Variants in CHD7 observed in about 807,000 individuals in gnomAD.
CHD7 encodes the protein chromodomain helicase DNA binding protein 7.
A neutral mutation model predicts 307.3 loss-of-function variants in CHD7; 24 were observed. That is an observed-to-expected ratio of 0.08 (90% CI 0.06 to 0.11). The LOEUF is 0.11. Among genes scored for constraint, CHD7 ranks in the 10% least tolerant of loss-of-function variants. The pLI is 1.00. For missense variants in CHD7, 3,106 were observed against 3,727.1 expected (o/e 0.83, Z 4.34); for synonymous variants, 1,363 against 1,349.9 (o/e 1.01, Z -0.21).
At position 60,852,180 on chromosome 8, in the gene CHD7, C is replaced by T. The variant is rs764160601; in HGVS notation, c.5827C>T (p.Arg1943Trp). Residue 1943 changes from arginine to tryptophan, a missense_variant, in exon 29 of 38, where the codon CGG becomes TGG. Coordinates refer to ENST00000423902, the MANE Select transcript of CHD7 (RefSeq NM_017780.4). ...ALMKTDRRRRRPREEVRALEA... is the reference protein window; with the variant it reads ...ALMKTDRRRRWPREEVRALEA... ...AATGAAGACTGACCGGCGCAGACGG[C>T]GGCCTCGAGAGGAAGTGAGAGCTCT... 1.1e-5 allele frequency: 17 copies of T among 1,613,724 alleles called. No individual in the cohort carries two copies. The highest frequency in any genetic ancestry group is 4.4e-5 in the South Asian group (4 of 91,080).
At chr8:60,764,180 G>A (rs1000126359) in intron 2 of CHD7, among the ~76,000 whole-genome samples, 20 of 151,896 alleles carry the variant, frequency 1.3e-4, no homozygotes, top group Non-Finnish European at 2.2e-4. Context: ...TAGTAGAGAC[G>A]GGGTTTCACC....
chr8:60,854,096 TTGTAAGG>T (rs1002539620), intron 31 of CHD7, among the ~76,000 whole-genome samples: 20 of 152,194 alleles, frequency 1.3e-4, no homozygotes, highest in African/African-American at 4.6e-4. Flanking sequence ...TATCAGCCTC[TTGTAAGG>T]TTTACTTGCA....
In CHD7 at chr8:60,853,028, G is replaced by T; in HGVS notation, c.6303G>T (p.Leu2101=). The T allele has an allele frequency of 6.2e-7, 1 of 1,613,980 alleles. No homozygotes were observed. Among genetic ancestry groups the T allele is most frequent in the East Asian group, 2.2e-5 (1 of 44,872 alleles). The change falls in exon 31 of 38, where the codon CTG becomes CTT. Residue 2101 remains leucine (L), a synonymous_variant. Coordinates refer to ENST00000423902, the MANE Select transcript of CHD7 (RefSeq NM_017780.4). ...GTGGACGGCATGACCGAGACTTGCT[G>T]GTTGGTGCTGCTAAACACGGGGTCA... ...WECGRHDRDL[L]VGAAKHGVSR... is the part of the protein sequence containing the mutation.
intron 1 of CHD7, among the ~76,000 whole-genome samples, chr8:60,714,859 A>T (rs1055312501): frequency 1.3e-5 from 2 of 152,200 alleles, no homozygotes; most frequent in African/African-American, 4.8e-5. Flanking sequence ...AGGGGATGGT[A>T]ATGCCTGTTG....
In CHD7 at chr8:60,800,392, G is replaced by C; in HGVS notation, c.2243G>C (p.Arg748Thr). 2 of 1,613,250 alleles carry C rather than the reference G, an allele frequency of 1.2e-6. No homozygotes were observed. The highest frequency in any genetic ancestry group is 1.7e-6 in the Non-Finnish European group (2 of 1,179,554). ...EEDEDPGVQK[R>T]RSSRQVKRKR... ...TGTCTTGGGTTTTTGTTTTAGAAGA[G>C]ACGGTCCAGCAGACAGGTGAAGAGA... is the stretch of plus-strand genomic sequence containing the variant. Residue 748 changes from arginine (R) to threonine (T), a missense_variant, in exon 5 of 38, where the codon AGA becomes ACA. This residue lies in a region of CHD7 where 998 missense variants were observed against 1,004.5 expected (regional missense o/e 0.99). Transcript: ENST00000423902.
intron 1 of CHD7, among the ~76,000 whole-genome samples, chr8:60,692,969 C>T (rs1045691957): frequency 3.1e-4 from 47 of 152,246 alleles, no homozygotes; most frequent in Middle Eastern, 6.8e-3. Context: ...CTGTTTAAAC[C>T]GAAGTCATCA....
At chr8:60,819,078 C>T (rs1451129075) in intron 8 of CHD7, among the ~76,000 whole-genome samples, 1 of 152,092 alleles carries the variant, frequency 6.6e-6, no homozygotes, top group Non-Finnish European at 1.5e-5. Context: ...CTCAGCCTAC[C>T]GAGTAGCTGA....
intron 3 of CHD7, among the ~76,000 whole-genome samples, chr8:60,785,318 G>A (rs1410021042): frequency 1.3e-5 from 2 of 152,162 alleles, no homozygotes; most frequent in Admixed American, 1.3e-4. Flanking sequence ...TTCTAGGAAT[G>A]CCTTTCATTC....
In CHD7 at chr8:60,741,957, G is replaced by A. The variant is rs764096367; in HGVS notation, c.525G>A (p.Ser175=). 17 of 1,613,458 alleles carry A rather than the reference G, an allele frequency of 1.1e-5. No homozygotes were observed. The highest frequency in any genetic ancestry group is 8.9e-5 in the East Asian group (4 of 44,882). ...CGCAGCCACCGCAGCCGGCTCCGTC[G>A]GGGCCCCCTGCACAGGGCCACCCTC... The part of the protein sequence containing the change: ...PQPQPPQPAP[S]GPPAQGHPQH... The change falls in exon 2 of 38, where the codon TCG becomes TCA. Residue 175 remains serine (S), a synonymous_variant. Transcript: ENST00000423902.
chr8:60,760,799 A>G (rs1463866065), intron 2 of CHD7, among the ~76,000 whole-genome samples: 1 of 151,924 alleles, frequency 6.6e-6, no homozygotes, highest in Non-Finnish European at 1.5e-5. Context: ...ATGAGATACC[A>G]TCTCACACCA....
At chr8:60,821,599 C>T (rs1330490089) in intron 9 of CHD7, among the ~76,000 whole-genome samples, 191 bp from the exon 10 acceptor site, 1 of 149,736 alleles carries the variant, frequency 6.7e-6, no homozygotes, top group Non-Finnish European at 1.5e-5. Context: ...TATATACACA[C>T]ATACATATGT....
intron 4 of CHD7, 109 bp from the exon 5 acceptor site, chr8:60,800,279 G>C: frequency 9.7e-7 from 1 of 1,034,652 alleles, no homozygotes; most frequent in Non-Finnish European, 1.4e-6. Flanking sequence ...TGATCCGCCC[G>C]CCTCGGCCTC....
intron 1 of CHD7, among the ~76,000 whole-genome samples, chr8:60,721,199 C>T (rs1380957437): frequency 2.0e-5 from 3 of 152,110 alleles, no homozygotes; most frequent in African/African-American, 7.2e-5. Flanking sequence ...GGAGATAGGG[C>T]CTTTAGGGAG....
intron 15 of CHD7, among the ~76,000 whole-genome samples, chr8:60,832,292 TG>T (rs1387857679): frequency 6.6e-6 from 1 of 152,204 alleles, no homozygotes; most frequent in African/African-American, 2.4e-5. Context: ...CCCAAAGTGC[TG>T]GGATTACAGG....
At chr8:60,773,881 G>T (rs569738204) in intron 2 of CHD7, among the ~76,000 whole-genome samples, 53 of 152,284 alleles carry the variant, frequency 3.5e-4, no homozygotes, top group Middle Eastern at 6.8e-3. Flanking sequence ...TGGGTAAAAG[G>T]TTAGTGATTC....
chr8:60,759,381 A>C (rs1160038845), intron 2 of CHD7, among the ~76,000 whole-genome samples: 15 of 139,330 alleles, frequency 1.1e-4, no homozygotes, highest in African/African-American at 1.9e-4. Context: ...CTCCCTCTCC[A>C]TCTCCCTCTC....
At chr8:60,819,449 T>C (rs899539407) in intron 8 of CHD7, among the ~76,000 whole-genome samples, 2 of 152,234 alleles carry the variant, frequency 1.3e-5, no homozygotes, top group East Asian at 3.8e-4. Flanking sequence ...AGATTAATGA[T>C]GAGACTGTGA....
rs143175549 is a variant in CHD7, at chr8:60,712,422, A to G, written c.-174-28837A>G. Among the ~76,000 whole-genome samples, 38 of 152,306 alleles carry G rather than the reference A, an allele frequency of 2.5e-4. No homozygotes were observed. In the East Asian group the frequency reaches 6.0e-3, roughly 24 times the overall value. ...GGACTCTGAGATGCTTCAGATACCCAAACAGCAGAACCTTTCTAACATGTA... is the reference window on the plus strand; with the variant it reads ...GGACTCTGAGATGCTTCAGATACCCGAACAGCAGAACCTTTCTAACATGTA... On this transcript the variant is annotated intron_variant, in intron 1 of 37. Transcript: ENST00000423902.
Position 60,742,334 on chromosome 8 carries a change from C to T in CHD7, c.902C>T (p.Ser301Phe), listed in dbSNP as rs1809081710. 1 of 1,613,864 alleles carries T rather than the reference C, an allele frequency of 6.2e-7. No individual in the cohort carries two copies. Among genetic ancestry groups the T allele is most frequent in the Admixed American group, 1.7e-5 (1 of 60,002 alleles). ...NFSSRSQTVP[S>F]PTINNSGQYS... ...AGTTCTCGGAGCCAGACAGTCCCCT[C>T]TCCTACTATAAACAACTCAGGGCAG... Residue 301 changes from serine to phenylalanine, a missense_variant, in exon 2 of 38, where the codon TCT (serine) becomes TTT (phenylalanine). By Grantham distance (155) the Ser-to-Phe change is radical (BLOSUM62 -2). Around this residue, in one of 10 missense-constraint regions of CHD7, gnomAD observed 998 missense variants for 1,004.5 expected, o/e 0.99. Coordinates refer to ENST00000423902, the MANE Select transcript of CHD7 (RefSeq NM_017780.4).
Sources: gnomAD v4.1 joint callset for allele counts (sites outside exome capture counted in the v4.1 genomes callset) on GRCh38, gnomAD v4.1.1 for gene constraint, gnomAD v4.1.1 regional missense constraint, MANE v1.5 for transcripts, NCBI Gene and HGNC (gene_info 2026-07-23, HGNC 2026-07-21) for gene names.